Variants in HIVEP3 observed in about 807,000 individuals in gnomAD.
HIVEP3 encodes HIVEP zinc finger 3.
In HIVEP3, 49 loss-of-function variants were observed where a neutral mutation model predicts 152.8. The ratio of observed to expected loss-of-function variants is 0.32; its 90% CI spans 0.26 to 0.41. The LOEUF (loss-of-function observed/expected upper bound fraction) is 0.41. Ranked by LOEUF, HIVEP3 falls within the 10% of genes least tolerant of loss-of-function variation. The pLI is 1.00. For synonymous variants in HIVEP3, 1,269 were observed against 1,289.0 expected (o/e 0.98, Z 0.33); for missense variants, 2,790 against 3,103.3 (o/e 0.90, Z 2.40).
chr1:41,787,145 G>A (rs980673685), intron 1 of HIVEP3, among the ~76,000 whole-genome samples: 9 of 152,104 alleles, frequency 5.9e-5, no homozygotes, highest in Non-Finnish European at 1.2e-4. Context: ...ATTCCAAAAT[G>A]CTATCATTTT....
chr1:42,007,196 T>C (rs1321545168), intron 1 of HIVEP3, among the ~76,000 whole-genome samples: 1 of 152,198 alleles, frequency 6.6e-6, no homozygotes, highest in Non-Finnish European at 1.5e-5. Context: ...GAGAGCCTGA[T>C]CAATTGCATG....
At chr1:41,877,018 C>T (rs957782072) in intron 1 of HIVEP3, among the ~76,000 whole-genome samples, 6 of 152,174 alleles carry the variant, frequency 3.9e-5, no homozygotes, top group African/African-American at 1.2e-4. Context: ...GTGGGAAGGC[C>T]ATGTGCATTG....
intron 1 of HIVEP3, among the ~76,000 whole-genome samples, chr1:41,889,850 T>C (rs1317134563): frequency 6.6e-6 from 1 of 152,158 alleles, no homozygotes; most frequent in Non-Finnish European, 1.5e-5. Flanking sequence ...TCCCATCTAA[T>C]CCTCACAAGA....
chr1:42,010,183 C>T lies in HIVEP3; in HGVS notation n.119+25624G>A, dbSNP rs145846734. Reference sequence around the variant, plus strand: ...GTGCTGAGATTACAGGTGTGAGCCACTGTGCCCAGCCATAATAACATGTTT... The same window carrying T: ...GTGCTGAGATTACAGGTGTGAGCCATTGTGCCCAGCCATAATAACATGTTT... On this transcript the variant is annotated intron_variant and non_coding_transcript_variant, in intron 1 of 3. Transcript: ENST00000489103. Among the ~76,000 whole-genome samples the T allele has an allele frequency of 4.2e-3, 638 of 152,346 alleles. 7 individuals are homozygous for T. The highest frequency in any genetic ancestry group is 0.015 in the African/African-American group (617 of 41,588).
intron 1 of HIVEP3, among the ~76,000 whole-genome samples, chr1:41,883,946 C>A (rs1438710520): frequency 6.6e-6 from 1 of 152,132 alleles, no homozygotes; most frequent in African/African-American, 2.4e-5. Flanking sequence ...ATAATTTTAA[C>A]ATTTTGGATT....
intron 1 of HIVEP3, among the ~76,000 whole-genome samples, chr1:41,731,932 T>C (rs1443190657): frequency 2.0e-5 from 3 of 152,256 alleles, no homozygotes; most frequent in East Asian, 3.8e-4. Context: ...CAATAAATAC[T>C]GGTTAAACAA....
intron 1 of HIVEP3, among the ~76,000 whole-genome samples, chr1:41,701,675 A>G (rs949905499): frequency 6.6e-5 from 10 of 152,334 alleles, no homozygotes; most frequent in Admixed American, 2.0e-4. Flanking sequence ...CTGTATACCT[A>G]TTATCTTCTC....
chr1:42,014,459 G>A (rs1324981452), intron 1 of HIVEP3, among the ~76,000 whole-genome samples: 1 of 152,124 alleles, frequency 6.6e-6, no homozygotes, highest in Non-Finnish European at 1.5e-5. Flanking sequence ...CGGACTTGTG[G>A]CAAAGATCAG....
At chr1:41,877,119 T>A (rs1644182764) in intron 1 of HIVEP3, among the ~76,000 whole-genome samples, 2 of 152,192 alleles carry the variant, frequency 1.3e-5, no homozygotes, top group Non-Finnish European at 2.9e-5. Context: ...ATTAAACTCA[T>A]CCAGGAGAAT....
chr1:41,835,663 C>G (rs541282666), intron 1 of HIVEP3, among the ~76,000 whole-genome samples: 1 of 152,178 alleles, frequency 6.6e-6, no homozygotes, highest in African/African-American at 2.4e-5. Flanking sequence ...AGTTAGTCAA[C>G]GCAGAGGAAA....
intron 1 of HIVEP3, among the ~76,000 whole-genome samples, chr1:41,719,345 G>A (rs1646643776): frequency 6.6e-6 from 1 of 152,232 alleles, no homozygotes. Context: ...GAAACAGACT[G>A]GGAGGTGGAG....
chr1:41,544,843 C>T (rs1229697135), intron 5 of HIVEP3, among the ~76,000 whole-genome samples: 152 of 87,486 alleles, frequency 1.7e-3, no homozygotes, highest in African/African-American at 6.5e-3. Flanking sequence ...ACCACCACCA[C>T]TACCACCACC....
chr1:41,950,992 C>T (rs1645103442), intron 1 of HIVEP3, among the ~76,000 whole-genome samples: 1 of 152,220 alleles, frequency 6.6e-6, no homozygotes, highest in African/African-American at 2.4e-5. Flanking sequence ...ATTCTAACCA[C>T]ATTTGAACTT....
At chr1:41,705,258 C>G (rs574059862) in intron 1 of HIVEP3, among the ~76,000 whole-genome samples, 1 of 152,226 alleles carries the variant, frequency 6.6e-6, no homozygotes, top group Non-Finnish European at 1.5e-5. Context: ...TCTTTCTCTA[C>G]GCTCTCATCT....
At chr1:41,824,824 G>GAGAA (rs1642746310) in intron 1 of HIVEP3, among the ~76,000 whole-genome samples, 3 of 72,236 alleles carry the variant, frequency 4.2e-5, no homozygotes, top group Non-Finnish European at 5.9e-5. Context: ...GAGAGAAAGA[G>GAGAA]AGAGAGAGAG....
intron 1 of HIVEP3, among the ~76,000 whole-genome samples, chr1:41,719,827 C>G (rs1343512687): frequency 6.6e-6 from 1 of 152,196 alleles, no homozygotes; most frequent in Non-Finnish European, 1.5e-5. Flanking sequence ...AACCACTAAG[C>G]CTTGGAGAAG....
intron 6 of HIVEP3, among the ~76,000 whole-genome samples, chr1:41,523,885 G>A (rs1379794259): frequency 6.6e-6 from 1 of 152,188 alleles, no homozygotes; most frequent in African/African-American, 2.4e-5. Flanking sequence ...GAGAGCCCTG[G>A]GTCTCCCTCC....
intron 1 of HIVEP3, among the ~76,000 whole-genome samples, chr1:41,860,016 A>C (rs1643867784): frequency 6.6e-6 from 1 of 152,112 alleles, no homozygotes; most frequent in Non-Finnish European, 1.5e-5. Flanking sequence ...CCTTTATTAC[A>C]CTGGGATCAT....
intron 1 of HIVEP3, among the ~76,000 whole-genome samples, chr1:41,765,682 G>T (rs1177259020): frequency 6.6e-6 from 1 of 152,124 alleles, no homozygotes; most frequent in African/African-American, 2.4e-5. Flanking sequence ...TCTAAGCAAG[G>T]TCTACCCTAT....
Sources: allele counts gnomAD v4.1 joint callset (sites outside exome capture counted in the v4.1 genomes callset), GRCh38; gene constraint gnomAD v4.1.1; transcripts MANE v1.5; gene names NCBI Gene and HGNC (gene_info 2026-07-23, HGNC 2026-07-21).